Variants in SLC22A24 observed in about 807,000 individuals in gnomAD.
SLC22A24 encodes solute carrier family 22 member 24, also known as steroid transmembrane transporter SLC22A24.
Under a neutral mutation model 49.8 loss-of-function variants are expected in SLC22A24, and 53 were observed. That is an observed-to-expected ratio of 1.06 (90% CI 0.85 to 1.34). The LOEUF is 1.34. Among genes scored for constraint, SLC22A24 ranks in the 40% most tolerant of loss-of-function variants. The pLI, the probability that SLC22A24 is intolerant of heterozygous loss-of-function variation, is 0.00. For synonymous variants in SLC22A24, 302 were observed against 256.4 expected, an observed-to-expected ratio of 1.18 and a Z score of -1.70; for missense variants, 786 against 675.9, an observed-to-expected ratio of 1.16 and a Z score of -1.81.
intron 9 of SLC22A24, 107 bp downstream of exon 9, chr11:63,080,813 G>T: frequency 2.2e-6 from 2 of 918,502 alleles, no homozygotes; most frequent in Non-Finnish European, 3.3e-6. Flanking sequence ...CTAGGTCTGA[G>T]CCTACATGAA....
At chr11:63,107,970 GT>G (rs1268898015) in intron 4 of SLC22A24, among the ~76,000 whole-genome samples, 1 of 152,036 alleles carries the variant, frequency 6.6e-6, no homozygotes, top group African/African-American at 2.4e-5. Context: ...CCAACACTAT[GT>G]TGAATAGGAG....
chr11:63,126,939 T>C (rs1353206710), intron 2 of SLC22A24, among the ~76,000 whole-genome samples: 1 of 152,186 alleles, frequency 6.6e-6, no homozygotes, highest in African/African-American at 2.4e-5. Flanking sequence ...ACTCAGGATT[T>C]GGCTCTCAGT....
chr11:63,096,703 C>T (rs2087056947), intron 5 of SLC22A24, among the ~76,000 whole-genome samples: 1 of 152,044 alleles, frequency 6.6e-6, no homozygotes, highest in Admixed American at 6.5e-5. Flanking sequence ...GTGGAGTGCA[C>T]AGAAGTGAAG....
At chr11:63,114,214 A>ATTT (rs1189243631) in intron 4 of SLC22A24, among the ~76,000 whole-genome samples, 4 of 152,056 alleles carry the variant, frequency 2.6e-5, no homozygotes, top group African/African-American at 9.7e-5. Flanking sequence ...TTAAACATAG[A>ATTT]TTTTGTCTTT....
At chr11:63,126,245 C>T (rs1197362842) in intron 2 of SLC22A24, among the ~76,000 whole-genome samples, 3 of 152,132 alleles carry the variant, frequency 2.0e-5, no homozygotes, top group African/African-American at 7.2e-5. Context: ...TGCCTATGAC[C>T]TGAATGGTAT....
chr11:63,114,211 T>C (rs972191296), intron 4 of SLC22A24, among the ~76,000 whole-genome samples: 1 of 152,232 alleles, frequency 6.6e-6, no homozygotes, highest in Non-Finnish European at 1.5e-5. Context: ...CAATTAAACA[T>C]AGATTTTGTC....
intron 2 of SLC22A24, among the ~76,000 whole-genome samples, chr11:63,133,780 C>T (rs561740741): frequency 1.6e-4 from 24 of 152,064 alleles, no homozygotes; most frequent in African/African-American, 4.6e-4. Flanking sequence ...TAGCTGGGAG[C>T]TATATAGGTG....
chr11:63,122,570 G>A lies in SLC22A24; in HGVS notation c.507-3235C>T, dbSNP rs575078798. 1.8e-4 allele frequency among the ~76,000 whole-genome samples: 27 copies of A among 152,140 alleles called. No homozygotes were observed. The East Asian group carries it at 5.0e-3, about 28-fold the overall frequency. On this transcript the variant is annotated intron_variant, in intron 2 of 9. Coordinates refer to ENST00000612278, the MANE Select transcript of SLC22A24 (RefSeq NM_001136506.2). ...TTGCTCTGCCACCAGGCTGGAGTGC[G>A]GTGGTGCCATCTCGGCTCACTGCAA...
chr11:63,111,016 A>G (rs1294498319), intron 4 of SLC22A24, among the ~76,000 whole-genome samples: 1 of 152,182 alleles, frequency 6.6e-6, no homozygotes, highest in African/African-American at 2.4e-5. Flanking sequence ...ATTTTGAAAT[A>G]CATCCCATCA....
At chr11:63,104,335 T>C (rs1474114761) in intron 4 of SLC22A24, 37 bp from the exon 5 acceptor site, 2 of 1,520,214 alleles carry the variant, frequency 1.3e-6, no homozygotes, top group South Asian at 1.3e-5. Flanking sequence ...AGTAAACAAT[T>C]ACTTATTTGG....
rs924441335 is a variant in SLC22A24 at position 63,109,617 on chromosome 11, A to C, written c.831-5319T>G. ...GGCCAGTGATGGTGAGCATTTTTTC[A>C]TGTGTCTTTTGGCTGCATAAATGTC... is the stretch of plus-strand genomic sequence containing the variant. On this transcript the variant is annotated intron_variant, in intron 4 of 9. Transcript: ENST00000612278. Among the ~76,000 whole-genome samples, 174 of 150,810 alleles carry C rather than the reference A, an allele frequency of 1.2e-3. 2 individuals are homozygous for C. In the East Asian group the frequency reaches 0.024, roughly 21 times the overall value.
chr11:63,127,579 A>G (rs2134674748), intron 2 of SLC22A24, among the ~76,000 whole-genome samples: 1 of 152,250 alleles, frequency 6.6e-6, no homozygotes, highest in Non-Finnish European at 1.5e-5. Context: ...GGTTGAATTA[A>G]CTTACACTCC....
intron 9 of SLC22A24, among the ~76,000 whole-genome samples, 152 bp downstream of exon 9, chr11:63,080,768 C>G (rs1178700592): frequency 1.3e-5 from 2 of 152,176 alleles, no homozygotes; most frequent in Non-Finnish European, 2.9e-5. Context: ...TAGGCTGCTA[C>G]TGAACTAAAG....
intron 2 of SLC22A24, 126 bp from the exon 3 acceptor site, chr11:63,119,461 G>C: frequency 1.1e-6 from 1 of 901,770 alleles, no homozygotes; most frequent in Non-Finnish European, 1.6e-6. Flanking sequence ...GCTTGACACC[G>C]GGTGGCATAA....
At chr11:63,122,472 T>C (rs1034007769) in intron 2 of SLC22A24, among the ~76,000 whole-genome samples, 1 of 152,338 alleles carries the variant, frequency 6.6e-6, no homozygotes, top group Middle Eastern at 3.4e-3. Context: ...ATGAAGCTGG[T>C]GTTTGATGAA....
chr11:63,110,888 G>C (rs942064642), intron 4 of SLC22A24, among the ~76,000 whole-genome samples: 3 of 149,512 alleles, frequency 2.0e-5, no homozygotes, highest in Non-Finnish European at 4.5e-5. Flanking sequence ...ACACTATGTT[G>C]AATAGGAGTG....
At chr11:63,119,799 G>C (rs773245396) in intron 2 of SLC22A24, among the ~76,000 whole-genome samples, 10 of 152,272 alleles carry the variant, frequency 6.6e-5, no homozygotes, top group Middle Eastern at 3.4e-3. Flanking sequence ...CAAAGTTGCA[G>C]ATAGGCTGCA....
At chr11:63,103,260 T>C (rs2087101920) in intron 5 of SLC22A24, among the ~76,000 whole-genome samples, 1 of 152,184 alleles carries the variant, frequency 6.6e-6, no homozygotes, top group Non-Finnish European at 1.5e-5. Flanking sequence ...CAGTTCATTT[T>C]ATCCCTGAAA....
chr11:63,134,965 A>T (rs760334326), intron 1 of SLC22A24, among the ~76,000 whole-genome samples, 197 bp from the exon 2 acceptor site: 1 of 152,074 alleles, frequency 6.6e-6, no homozygotes, highest in Non-Finnish European at 1.5e-5. Context: ...CAACTTTTCA[A>T]ATGCATCTGT....
Sources: allele counts gnomAD v4.1 joint callset (sites outside exome capture counted in the v4.1 genomes callset), GRCh38; gene constraint gnomAD v4.1.1; transcripts MANE v1.5; gene names NCBI Gene and HGNC (gene_info 2026-07-23, HGNC 2026-07-21).